PLXNA4: variants seen among roughly 807,000 people sequenced by gnomAD.
PLXNA4 encodes the protein plexin A4.
PLXNA4 carries 44 observed loss-of-function variants against 191.8 expected under a neutral mutation model. That is an observed-to-expected ratio of 0.23 (90% CI 0.18 to 0.29). PLXNA4 has a LOEUF of 0.29. Ranked by LOEUF, PLXNA4 falls within the 10% of genes least tolerant of loss-of-function variation. PLXNA4 has a pLI of 1.00. For synonymous variants in PLXNA4, 1,082 were observed against 1,009.5 expected (o/e 1.07, Z -1.36); for missense variants, 1,800 against 2,488.8 (o/e 0.72, Z 5.89).
chr7:132,298,046 ATT>A, intron 4 of PLXNA4, 43 bp downstream of exon 4: 4 of 1,613,032 alleles, frequency 2.5e-6, no homozygotes, highest in Non-Finnish European at 3.4e-6. Context: ...ACAGGCTAGT[ATT>A]TAACTGCAAG....
intron 2 of PLXNA4, among the ~76,000 whole-genome samples, chr7:132,497,411 G>C (rs553114735): frequency 6.6e-6 from 1 of 152,152 alleles, no homozygotes; most frequent in African/African-American, 2.4e-5. Flanking sequence ...AGATGACATC[G>C]TGTTTACTCC....
chr7:132,180,009 G>A, intron 19 of PLXNA4, 88 bp from the exon 20 acceptor site: 2 of 1,477,856 alleles, frequency 1.4e-6, no homozygotes. Flanking sequence ...CTAGTGACCA[G>A]GGCAGGATGA....
chr7:132,384,698 CCT>C (rs1443226688), intron 3 of PLXNA4: 1 of 1,008,006 alleles, frequency 9.9e-7, no homozygotes, highest in Non-Finnish European at 1.2e-6. Context: ...TGGGCTCCAT[CCT>C]CTCTGCCCTG....
chr7:132,490,406 C>T (rs1449263456), intron 2 of PLXNA4, among the ~76,000 whole-genome samples: 1 of 148,742 alleles, frequency 6.7e-6, no homozygotes, highest in African/African-American at 2.5e-5. Context: ...ACATTTTATT[C>T]ACTGAACCTT....
At chr7:132,168,947 G>T (rs1044624573) in intron 21 of PLXNA4, among the ~76,000 whole-genome samples, 1 of 152,206 alleles carries the variant, frequency 6.6e-6, no homozygotes, top group Non-Finnish European at 1.5e-5. Context: ...GCCCAGGGCT[G>T]TCGTGGTTTA....
intron 1 of PLXNA4, among the ~76,000 whole-genome samples, chr7:132,520,847 T>C (rs1799145217): frequency 1.3e-5 from 2 of 152,142 alleles, no homozygotes; most frequent in Middle Eastern, 3.4e-3. Flanking sequence ...AAGCCCATAA[T>C]CCCACCAAAC....
Position 132,186,539 on chromosome 7 carries a change from T to C in PLXNA4, c.2993+932A>G, listed in dbSNP as rs185641148. ...GTCTCCAGACTGAGCCCAAATCCTC[T>C]CCCAAAGAGCACGTCCACTTTGTTA... On this transcript the variant is annotated intron_variant, in intron 15 of 31. Transcript: ENST00000321063. Among the ~76,000 whole-genome samples the C allele has an allele frequency of 4.6e-5, 7 of 152,210 alleles. No homozygotes were observed. The East Asian group carries it at 1.4e-3, about 29-fold the overall frequency.
chr7:132,196,139 T>G (rs1205498256), intron 13 of PLXNA4, among the ~76,000 whole-genome samples: 4 of 152,216 alleles, frequency 2.6e-5, no homozygotes, highest in Admixed American at 2.6e-4. Context: ...TTATCCTCAT[T>G]TTATAAATGA....
chr7:132,518,267 A>T (rs1799020028), intron 1 of PLXNA4, among the ~76,000 whole-genome samples: 1 of 152,168 alleles, frequency 6.6e-6, no homozygotes, highest in South Asian at 2.1e-4. Context: ...GGTAGGGTTG[A>T]CACAGCAAAA....
intron 4 of PLXNA4, among the ~76,000 whole-genome samples, chr7:132,252,261 T>C (rs574051100): frequency 3.3e-4 from 49 of 150,060 alleles, no homozygotes; most frequent in African/African-American, 1.2e-3. Context: ...ATTCTTCAAA[T>C]ATGAAAGGAC....
chr7:132,290,800 C>T (rs1244253624), intron 4 of PLXNA4, among the ~76,000 whole-genome samples: 2 of 152,100 alleles, frequency 1.3e-5, no homozygotes, highest in Non-Finnish European at 2.9e-5. Flanking sequence ...AGTGCACACT[C>T]GTACACTCCA....
intron 1 of PLXNA4, among the ~76,000 whole-genome samples, chr7:132,529,532 C>A (rs899518482): frequency 1.3e-5 from 2 of 152,064 alleles, no homozygotes; most frequent in Non-Finnish European, 1.5e-5. Context: ...TTTCAGCACC[C>A]CACCCCCAGT....
At chr7:132,259,718 G>T (rs138491615) in intron 4 of PLXNA4, among the ~76,000 whole-genome samples, 1 of 152,122 alleles carries the variant, frequency 6.6e-6, no homozygotes, top group Admixed American at 6.6e-5. Context: ...ACTTGGAAGC[G>T]AACAAGGTGC....
rs1794748319 is a variant in PLXNA4, at chr7:132,418,769, A to G, written c.1371+70523T>C. 2.0e-5 allele frequency among the ~76,000 whole-genome samples: 3 copies of G among 152,156 alleles called. No individual in the cohort carries two copies. The South Asian group carries it at 6.2e-4, about 32-fold the overall frequency. On this transcript the variant is annotated intron_variant, in intron 3 of 31. Coordinates refer to ENST00000321063, the MANE Select transcript of PLXNA4 (RefSeq NM_020911.2). ...GGGTGGAGCAGGGGGTGTGGGAAGA[A>G]GAACAAAGAGTAAGCAGGAGGGGAA...
chr7:132,127,575 A>T lies in PLXNA4; in HGVS notation c.*2904T>A, dbSNP rs879357979. The T allele has an allele frequency of 7.2e-5, 11 of 152,330 alleles. No individual in the cohort carries two copies. The highest frequency in any genetic ancestry group is 7.2e-4 in the Admixed American group (11 of 15,298). 9.4% of individuals were successfully genotyped at this position (152,330 alleles called of 1,614,324 possible). On this transcript the variant is annotated 3_prime_UTR_variant, in exon 32 of 32. Transcript: ENST00000321063. ...GTGCACCAAGAATCCAAACGGAAGA[A>T]ATGGAAAACAAACAGCAGAAGATAA...
intron 3 of PLXNA4, among the ~76,000 whole-genome samples, chr7:132,344,770 G>A (rs1803177076): frequency 6.6e-6 from 1 of 152,146 alleles, no homozygotes; most frequent in Non-Finnish European, 1.5e-5. Flanking sequence ...ATTTAATTAA[G>A]TGTCAAGCAA....
In PLXNA4 at chr7:132,559,314, CCT is replaced by C. The variant is rs557087209; in HGVS notation, c.-87+17106_-87+17107del. 4.1e-3 allele frequency among the ~76,000 whole-genome samples: 630 copies of C among 152,256 alleles called. 2 individuals are homozygous for C. Among genetic ancestry groups the C allele is most frequent in the Non-Finnish European group, 7.0e-3 (474 of 68,016 alleles). On this transcript the variant is annotated intron_variant, in intron 1 of 31. Transcript: ENST00000321063. ...GAGCTCAAAAACACTTACCCTGCCC[CCT>C]GTTTCTCCCCACAAGACAGCCCAAA...
intron 27 of PLXNA4, 95 bp downstream of exon 27, chr7:132,147,792 GCCCCATCTCCCCT>G: frequency 6.9e-7 from 1 of 1,441,906 alleles, no homozygotes. Flanking sequence ...CCTGTCTGAT[GCCCCATCTCCCCT>G]CTCCAAGAGT....
At chr7:132,621,260 GTTTTT>G (rs371428336) in intron 2 of PLXNA4, among the ~76,000 whole-genome samples, 6 of 131,820 alleles carry the variant, frequency 4.6e-5, no homozygotes, top group Non-Finnish European at 8.1e-5. Context: ...TTTTTTTTTG[GTTTTT>G]TTGTTTTTTT....
Sources: gnomAD v4.1 joint callset for allele counts (sites outside exome capture counted in the v4.1 genomes callset) on GRCh38, gnomAD v4.1.1 for gene constraint, MANE v1.5 for transcripts, NCBI Gene and HGNC (gene_info 2026-07-23, HGNC 2026-07-21) for gene names.